RNF180: variants seen among roughly 807,000 people sequenced by gnomAD.
RNF180 encodes ring finger protein 180.
RNF180 carries 38 observed loss-of-function variants against 59.2 expected under a neutral mutation model. The observed-to-expected ratio is 0.64, with a 90% confidence interval of 0.50 to 0.84. The LOEUF is 0.84. RNF180 is among the 40% of genes least tolerant of loss of function. The pLI, the probability that RNF180 is intolerant of heterozygous loss-of-function variation, is 0.00. For synonymous variants in RNF180, 262 were observed against 240.3 expected (o/e 1.09, Z -0.84); for missense variants, 705 against 700.9 (o/e 1.01, Z -0.07).
At chr5:64,248,105 A>T (rs1045756955) in intron 5 of RNF180, among the ~76,000 whole-genome samples, 2 of 152,152 alleles carry the variant, frequency 1.3e-5, no homozygotes, top group African/African-American at 4.8e-5. Context: ...ACAAAAATTA[A>T]CTCAAGGTGG....
At chr5:64,332,055 T>G (rs555717621) in intron 7 of RNF180, among the ~76,000 whole-genome samples, 2 of 152,244 alleles carry the variant, frequency 1.3e-5, no homozygotes, top group South Asian at 4.1e-4. Context: ...ACCTCACGCT[T>G]GCTCAACCAC....
chr5:64,328,561 A>G (rs553118602), intron 6 of RNF180, among the ~76,000 whole-genome samples: 3 of 152,374 alleles, frequency 2.0e-5, no homozygotes, highest in Non-Finnish European at 4.4e-5. Context: ...CATGATGAGC[A>G]TGAAAATACC....
intron 5 of RNF180, among the ~76,000 whole-genome samples, chr5:64,292,155 C>G (rs2112427376): frequency 6.6e-6 from 1 of 152,228 alleles, no homozygotes; most frequent in South Asian, 2.1e-4. Context: ...CTGCCTCAGC[C>G]CAGTTCGTGC....
rs1007340620 is a variant in RNF180 at position 64,229,286 on chromosome 5, C to T, written c.1227+11890C>T. On this transcript the variant is annotated intron_variant, in intron 5 of 7. Transcript: ENST00000389100. ...CTGTCCTGAAATATGCTATTTAGCT[C>T]TTAAATTCTGTACTTTTGTGACCCT... Among the ~76,000 whole-genome samples the T allele has an allele frequency of 2.6e-5, 4 of 152,240 alleles. No homozygotes were observed. The South Asian group carries it at 8.3e-4, about 32-fold the overall frequency.
chr5:64,362,119 T>C (rs1046580951), intron 7 of RNF180, among the ~76,000 whole-genome samples: 3 of 151,634 alleles, frequency 2.0e-5, no homozygotes, highest in Non-Finnish European at 3.0e-5. Flanking sequence ...CATGGGTACA[T>C]GTGCAAGTTT....
chr5:64,289,297 A>G (rs72752839), intron 5 of RNF180, among the ~76,000 whole-genome samples: 14,067 of 152,074 alleles, frequency 0.093, 768 homozygotes, highest in South Asian at 0.17. Flanking sequence ...GTTTGCCAGT[A>G]TTTTGTTAGG....
intron 7 of RNF180, among the ~76,000 whole-genome samples, chr5:64,353,488 G>T (rs1745895960): frequency 6.6e-6 from 1 of 151,598 alleles, no homozygotes; most frequent in African/African-American, 2.4e-5. Flanking sequence ...TATTTATTAT[G>T]TTAATATATG....
intron 5 of RNF180, among the ~76,000 whole-genome samples, chr5:64,321,407 C>T (rs1744340741): frequency 6.6e-6 from 1 of 152,086 alleles, no homozygotes. Flanking sequence ...CATGAATGAA[C>T]CCCCATTCAC....
intron 5 of RNF180, among the ~76,000 whole-genome samples, chr5:64,272,958 A>G (rs942648841): frequency 4.0e-5 from 6 of 151,792 alleles, no homozygotes; most frequent in Non-Finnish European, 2.9e-5. Context: ...TTGGAGGTCA[A>G]AAAAAAGGTC....
intron 7 of RNF180, among the ~76,000 whole-genome samples, chr5:64,340,412 G>T (rs981545356): frequency 3.3e-5 from 5 of 152,176 alleles, no homozygotes; most frequent in Non-Finnish European, 7.4e-5. Context: ...TCATTAGTTT[G>T]CCTGAAGGTG....
chr5:64,220,047 T>C (rs1442920216), intron 5 of RNF180, among the ~76,000 whole-genome samples: 1 of 152,204 alleles, frequency 6.6e-6, no homozygotes, highest in Non-Finnish European at 1.5e-5. Context: ...CCTTATTTGT[T>C]ATTTTAATGT....
At chr5:64,336,973 G>GT (rs1330432189) in intron 7 of RNF180, among the ~76,000 whole-genome samples, 1 of 148,142 alleles carries the variant, frequency 6.8e-6, no homozygotes, top group East Asian at 2.0e-4. Context: ...GACCACAGAG[G>GT]TTTTCACTTT....
chr5:64,301,663 A>G (rs1050386750), intron 5 of RNF180, among the ~76,000 whole-genome samples: 3 of 150,844 alleles, frequency 2.0e-5, no homozygotes, highest in African/African-American at 7.4e-5. Context: ...TGCTTTTAAA[A>G]ATGTCTTAGT....
In RNF180 at chr5:64,169,859, G is replaced by C. The variant is rs530972426; in HGVS notation, c.-1+3906G>C. On this transcript the variant is annotated intron_variant, in intron 1 of 7. Transcript: ENST00000389100. ...GAATCTTCTATAGAGGCTATTTCGCGGGATAAATTCTAATCATTACTTCAT... is the reference window on the plus strand; with the variant it reads ...GAATCTTCTATAGAGGCTATTTCGCCGGATAAATTCTAATCATTACTTCAT... Among the ~76,000 whole-genome samples, 295 of 152,300 alleles carry C rather than the reference G, an allele frequency of 1.9e-3. 5 individuals are homozygous for C. Among genetic ancestry groups the C allele is most frequent in the African/African-American group, 6.8e-3 (283 of 41,582 alleles).
At chr5:64,269,929 C>T (rs1008462359) in intron 5 of RNF180, among the ~76,000 whole-genome samples, 1 of 152,008 alleles carries the variant, frequency 6.6e-6, no homozygotes. Flanking sequence ...GCATTCATTG[C>T]CTGGCTGAAA....
intron 5 of RNF180, among the ~76,000 whole-genome samples, chr5:64,264,107 A>G (rs1287567404): frequency 6.6e-6 from 1 of 152,094 alleles, no homozygotes; most frequent in Non-Finnish European, 1.5e-5. Context: ...CTTTTTCACA[A>G]TTTGATGGAT....
rs2112116224 is a variant in RNF180 at position 64,213,809 on chromosome 5, A to T, written c.483A>T (p.Arg161Ser). The part of the protein sequence containing the change: ...ALLTGGGSEN[R>S]NHRLLNMARN... ...TGACAGGTGGTGGCTCTGAAAACAG[A>T]AATCACAGGCTTTTAAACATGGCCC... Residue 161 changes from arginine (R) to serine (S), a missense_variant, in exon 4 of 8, where the codon AGA becomes AGT. By Grantham distance (110) the Arg-to-Ser change is moderately radical (BLOSUM62 -1). Transcript: ENST00000389100. 5 of 1,614,170 alleles carry T rather than the reference A, an allele frequency of 3.1e-6. No homozygotes were observed. In the South Asian group the frequency reaches 4.4e-5, roughly 14 times the overall value.
At chr5:64,353,562 A>AT (rs1195354899) in intron 7 of RNF180, among the ~76,000 whole-genome samples, 1 of 151,828 alleles carries the variant, frequency 6.6e-6, no homozygotes, top group Non-Finnish European at 1.5e-5. Flanking sequence ...TTGAAATAGT[A>AT]TAACATAAAC....
At chr5:64,263,015 T>G (rs1744436623) in intron 5 of RNF180, among the ~76,000 whole-genome samples, 1 of 152,200 alleles carries the variant, frequency 6.6e-6, no homozygotes, top group Non-Finnish European at 1.5e-5. Context: ...ACAAATATGG[T>G]GTAGCATTAT....
Sources: allele counts gnomAD v4.1 joint callset (sites outside exome capture counted in the v4.1 genomes callset), GRCh38; gene constraint gnomAD v4.1.1; transcripts MANE v1.5; gene names NCBI Gene and HGNC (gene_info 2026-07-23, HGNC 2026-07-21).